Variants in POLN observed in about 807,000 individuals in gnomAD.
The protein encoded by POLN is DNA polymerase N.
A neutral mutation model predicts 113.5 loss-of-function variants in POLN; 108 were observed. That is an observed-to-expected ratio of 0.95 (90% CI 0.81 to 1.12). The LOEUF (loss-of-function observed/expected upper bound fraction) is 1.12, where lower values mean the gene tolerates loss of function less well. Among genes scored for constraint, POLN ranks in the 50% most tolerant of loss-of-function variants. The pLI, the probability that POLN is intolerant of heterozygous loss-of-function variation, is 0.00. For missense variants in POLN, 1,097 were observed against 1,077.1 expected (o/e 1.02, Z -0.26); for synonymous variants, 386 against 391.5 (o/e 0.99, Z 0.17).
chr4:2,191,062 T>C (rs1318450276), intron 7 of POLN, among the ~76,000 whole-genome samples: 1 of 152,208 alleles, frequency 6.6e-6, no homozygotes, highest in Non-Finnish European at 1.5e-5. Context: ...ATATCTGCAT[T>C]CCCATGTTAC....
chr4:2,128,263 C>T, intron 18 of POLN, 36 bp from the exon 19 acceptor site: 2 of 1,401,168 alleles, frequency 1.4e-6, no homozygotes, highest in Non-Finnish European at 1.0e-6. Context: ...TTAGAGTTTG[C>T]CAGCAATGTT....
intron 17 of POLN, 126 bp from the exon 18 acceptor site, chr4:2,129,382 AT>A: frequency 1.7e-6 from 1 of 605,338 alleles, no homozygotes. Flanking sequence ...TTTTCCGAAT[AT>A]TTTTATTAAT....
At chr4:2,087,123 A>G (rs1327970540) in intron 20 of POLN, among the ~76,000 whole-genome samples, 2 of 152,190 alleles carry the variant, frequency 1.3e-5, no homozygotes, top group African/African-American at 4.8e-5. Context: ...GTTCTCCCAA[A>G]GTTTATCCCG....
chr4:2,126,838 A>C lies in POLN; in HGVS notation c.1982+1275T>G, dbSNP rs1731593393. On this transcript the variant is annotated intron_variant, in intron 19 of 25. Transcript: ENST00000511885. The surrounding 1 kb of genome is among the most constrained non-coding windows in gnomAD (Gnocchi z 4.6). ...TCAGGCCTAGCCAGGGCAGCTGAAG[A>C]GGGAGCACCAGGAGAGTGGGTGGCA... Among the ~76,000 whole-genome samples the C allele has an allele frequency of 6.6e-6, 1 of 152,172 alleles. No individual in the cohort carries two copies. The highest frequency in any genetic ancestry group is 2.4e-5 in the African/African-American group (1 of 41,436).
chr4:2,112,587 A>C (rs986056923), intron 19 of POLN, among the ~76,000 whole-genome samples: 4 of 152,246 alleles, frequency 2.6e-5, no homozygotes, highest in African/African-American at 9.6e-5. Flanking sequence ...ATATGAACAG[A>C]CACTTCTCAA....
At chr4:2,184,474 G>T (rs1733223358) in intron 7 of POLN, among the ~76,000 whole-genome samples, 1 of 152,092 alleles carries the variant, frequency 6.6e-6, no homozygotes, top group Non-Finnish European at 1.5e-5. Context: ...GGATTCTTCA[G>T]TATGTTTTAA....
rs1204283791 is a variant in POLN at position 2,240,127 on chromosome 4, G to A, written c.-13+1393C>T. ...CTTGCTTTTAAGTGAATTAACTGATGTTGAGCACAAATGTATGCGAGCTGC... is the reference window on the plus strand; with the variant it reads ...CTTGCTTTTAAGTGAATTAACTGATATTGAGCACAAATGTATGCGAGCTGC... On this transcript the variant is annotated intron_variant, in intron 2 of 25. Coordinates refer to ENST00000511885, the MANE Select transcript of POLN (RefSeq NM_181808.4). 6.2e-7 allele frequency: 1 copy of A among 1,613,870 alleles called. No individual in the cohort carries two copies. The highest frequency in any genetic ancestry group is 1.1e-5 in the South Asian group (1 of 91,066).
intron 11 of POLN, among the ~76,000 whole-genome samples, chr4:2,173,206 T>C (rs1487754546): frequency 1.3e-5 from 2 of 152,194 alleles, no homozygotes; most frequent in African/African-American, 4.8e-5. Flanking sequence ...CTCTGGAAAG[T>C]CTGTGCTTTG....
rs1381382056 is a variant in POLN at position 2,127,423 on chromosome 4, C to A, written c.1982+690G>T. On this transcript the variant is annotated intron_variant, in intron 19 of 25. Coordinates refer to ENST00000511885, the MANE Select transcript of POLN (RefSeq NM_181808.4). This position sits in a 1 kb window ranked among gnomAD's most constrained non-coding sequence, Gnocchi z 4.7. ...CCTTGCAGCTGGTGCAGCTGCATGA[C>A]CTGCTCTAGAAAGTGGGTATAGCTG... 6.6e-6 allele frequency among the ~76,000 whole-genome samples: 1 copy of A among 152,132 alleles called. No individual in the cohort carries two copies. The highest frequency in any genetic ancestry group is 2.4e-5 in the African/African-American group (1 of 41,414).
chr4:2,211,075 AC>A (rs1262151542), intron 4 of POLN, among the ~76,000 whole-genome samples: 2 of 149,986 alleles, frequency 1.3e-5, no homozygotes, highest in Non-Finnish European at 3.0e-5. Context: ...ACATGGTGAA[AC>A]CCCATCTCTA....
intron 3 of POLN, among the ~76,000 whole-genome samples, chr4:2,218,426 C>A (rs1734166359): frequency 6.6e-6 from 1 of 150,998 alleles, no homozygotes; most frequent in Non-Finnish European, 1.5e-5. Flanking sequence ...GCCTGGGCAA[C>A]AAGGGTGAAA....
chr4:2,099,733 A>G (rs949797557), intron 19 of POLN, among the ~76,000 whole-genome samples: 19 of 152,234 alleles, frequency 1.2e-4, no homozygotes, highest in African/African-American at 4.3e-4. Flanking sequence ...AATGTACCAT[A>G]TTAATGGAAA....
chr4:2,105,598 G>A (rs935780250), intron 19 of POLN, among the ~76,000 whole-genome samples: 4 of 152,102 alleles, frequency 2.6e-5, no homozygotes, highest in Non-Finnish European at 5.9e-5. Flanking sequence ...GAGCTATGAC[G>A]CAGAAGACCC....
In POLN at chr4:2,242,073, T is replaced by C. The variant is rs1577807733; in HGVS notation, c.-306A>G. ...CACCTCAGGAAGTTCCGCTTGCTTC[T>C]CGCAGGAGCCCGCCGCCACCGCCCT... On this transcript the variant is annotated 5_prime_UTR_variant, in exon 1 of 26. Coordinates refer to ENST00000511885, the MANE Select transcript of POLN (RefSeq NM_181808.4). 1.0e-6 allele frequency: 1 copy of C among 985,760 alleles called. No individual in the cohort carries two copies. The highest frequency in any genetic ancestry group is 4.7e-5 in the South Asian group (1 of 21,332). The allele number at this position is 985,760 out of a possible 1,614,324, so 61.1% of individuals were successfully genotyped here.
chr4:2,224,095 A>C (rs1173417616), intron 3 of POLN, among the ~76,000 whole-genome samples: 1 of 152,080 alleles, frequency 6.6e-6, no homozygotes, highest in African/African-American at 2.4e-5. Flanking sequence ...CAGCTGAACA[A>C]AAATATTTTT....
At position 2,072,072 on chromosome 4, in the gene POLN, G is replaced by A; in HGVS notation, c.*42C>T. ...TGACCTTGGGGAAGGCCACACAATG[G>A]ACTGCTGGAAACCAGTTCTCTCCTC... On this transcript the variant is annotated 3_prime_UTR_variant, in exon 26 of 26. Transcript: ENST00000511885. 6.2e-7 allele frequency: 1 copy of A among 1,603,938 alleles called. No individual in the cohort carries two copies. Among genetic ancestry groups the A allele is most frequent in the Non-Finnish European group, 8.5e-7 (1 of 1,171,762 alleles).
chr4:2,103,509 A>G (rs1468844864), intron 19 of POLN, among the ~76,000 whole-genome samples: 1 of 152,220 alleles, frequency 6.6e-6, no homozygotes, highest in Non-Finnish European at 1.5e-5. Flanking sequence ...GAGGTTGAAG[A>G]GAGATCTAAA....
At chr4:2,229,276 T>C (rs1349251192) in intron 2 of POLN, 33 bp from the exon 3 acceptor site, 1 of 1,498,264 alleles carries the variant, frequency 6.7e-7, no homozygotes, top group East Asian at 2.3e-5. Flanking sequence ...ATAAATCCCA[T>C]ATATTAATCC....
chr4:2,074,350 C>T (rs1173972293), intron 24 of POLN, among the ~76,000 whole-genome samples: 3 of 152,188 alleles, frequency 2.0e-5, no homozygotes, highest in Non-Finnish European at 4.4e-5. Context: ...CCCTGCAGTC[C>T]CTGGCCCCGA....
Sources: gnomAD v4.1 joint callset for allele counts (sites outside exome capture counted in the v4.1 genomes callset) on GRCh38, gnomAD v4.1.1 for gene constraint, Gnocchi (gnomAD v3.1) non-coding constraint, MANE v1.5 for transcripts, NCBI Gene and HGNC (gene_info 2026-07-23, HGNC 2026-07-21) for gene names.